HTR2C: variants seen among roughly 807,000 people sequenced by gnomAD.
HTR2C encodes 5-hydroxytryptamine receptor 2C.
HTR2C carries 5 observed loss-of-function variants against 21.0 expected under a neutral mutation model. The ratio of observed to expected loss-of-function variants is 0.24; its 90% CI spans 0.12 to 0.50. The LOEUF is 0.50. Ranked by LOEUF, HTR2C falls within the 20% of genes least tolerant of loss-of-function variation. The probability of loss-of-function intolerance (pLI) is 0.98; values close to 1 mark genes in which losing one functional copy is unlikely to be tolerated. For missense variants in HTR2C, 271 were observed against 371.2 expected (o/e 0.73, Z 2.22); for synonymous variants, 150 against 145.3 (o/e 1.03, Z -0.23).
At chrX:114,767,752 A>G (rs1377386111) in intron 4 of HTR2C, among the ~76,000 whole-genome samples, 1 of 108,471 alleles carries the variant, frequency 9.2e-6, no homozygotes, top group Non-Finnish European at 1.9e-5. Flanking sequence ...AAATAAATAA[A>G]TGAAATATAT....
At chrX:114,598,887 T>C (rs1556393476) in intron 1 of HTR2C, among the ~76,000 whole-genome samples, 2 of 111,412 alleles carry the variant, frequency 1.8e-5, no homozygotes, top group Non-Finnish European at 3.8e-5. Context: ...TTATTAAAGA[T>C]GAACAAATTA....
rs199958275 is a variant in HTR2C, at chrX:114,726,970, C to T, written c.34C>T (p.Leu12Phe). 2 of 1,079,451 alleles carry T rather than the reference C, an allele frequency of 1.9e-6. No individual in the cohort carries two copies. The highest frequency in any genetic ancestry group is 4.5e-5 in the South Asian group (2 of 44,748). 89.0% of individuals were successfully genotyped at this position (1,079,451 alleles called of 1,213,427 possible). ...CCTGAGGAATGCGGTGCATTCATTC[C>T]TGTAAGGATGTTACTACTTATTATT... ...VNLRNAVHSF[L>F]VHLIGLLVWQ... The change falls in exon 3 of 6, where the codon CTT becomes TTT. Residue 12 changes from leucine to phenylalanine, a missense_variant and splice_region_variant. Leu to Phe is a conservative substitution (Grantham distance 22). Around this residue, in one of 5 missense-constraint regions of HTR2C, gnomAD observed 57 missense variants for 64.0 expected, o/e 0.89. Transcript: ENST00000276198.
rs182778260 is a variant in HTR2C, at chrX:114,843,834, C to T, written c.350-4169C>T. On this transcript the variant is annotated intron_variant, in intron 4 of 5. Coordinates refer to ENST00000276198, the MANE Select transcript of HTR2C (RefSeq NM_000868.4). ...GCAGTGAGATGACATATTTAAAGTGCTGAAAGAAAAATTGTCAACTAAATG... is the reference window on the plus strand; with the variant it reads ...GCAGTGAGATGACATATTTAAAGTGTTGAAAGAAAAATTGTCAACTAAATG... 2.3e-3 allele frequency among the ~76,000 whole-genome samples: 253 copies of T among 111,351 alleles called. 1 individual carries two copies. The highest frequency in any genetic ancestry group is 4.6e-3 in the Admixed American group (48 of 10,457).
intron 2 of HTR2C, among the ~76,000 whole-genome samples, chrX:114,679,213 A>C (rs1931666915): frequency 9.0e-6 from 1 of 111,312 alleles, no homozygotes; most frequent in Admixed American, 9.6e-5. Context: ...TTTTCTACAC[A>C]CAGTGCTGGC....
intron 2 of HTR2C, among the ~76,000 whole-genome samples, chrX:114,694,509 A>G (rs1932216342): frequency 2.0e-5 from 1 of 50,041 alleles, no homozygotes; most frequent in South Asian, 1.2e-3. Context: ...ACAGATTTAG[A>G]CAGAGTCTCA....
intron 2 of HTR2C, among the ~76,000 whole-genome samples, chrX:114,723,897 C>T (rs1201524586): frequency 1.0e-5 from 1 of 98,667 alleles, no homozygotes; most frequent in African/African-American, 3.6e-5. Context: ...GTTATAATCT[C>T]TGTTCTTTTA....
rs58916694 is a variant in HTR2C at position 114,689,208 on chromosome X, G to GTATATATATATATATATATATATATA, written c.-79-37627_-79-37626insATATATATATATATATATATATATAT. 5.2e-4 allele frequency among the ~76,000 whole-genome samples: 38 copies of GTATATATATATATATATATATATATA among 72,697 alleles called. 2 individuals carry two copies. The highest frequency in any genetic ancestry group is 1.2e-3 in the African/African-American group (23 of 18,488). The allele number at this position is 72,697 out of a possible 115,157, so 63.1% of individuals were successfully genotyped here. A position where few individuals can be genotyped will look rare whatever the true frequency, so the allele number is the denominator to read the frequency against. ...GAGTAGTATTCCATGGTATGTATGC[G>GTATATATATATATATATATATATATA]TATATATATATATATATATATATCA... is the stretch of plus-strand genomic sequence containing the variant. On this transcript the variant is annotated intron_variant, in intron 2 of 5. Coordinates refer to ENST00000276198, the MANE Select transcript of HTR2C (RefSeq NM_000868.4).
chrX:114,836,430 C>T (rs913572175), intron 4 of HTR2C, among the ~76,000 whole-genome samples: 3 of 112,676 alleles, frequency 2.7e-5, no homozygotes, highest in Middle Eastern at 9.2e-3. Context: ...TTAAGCCGGT[C>T]GGAAAAGCGC....
intron 4 of HTR2C, among the ~76,000 whole-genome samples, chrX:114,739,600 A>G (rs782578861): frequency 3.6e-4 from 40 of 111,648 alleles, no homozygotes; most frequent in Non-Finnish European, 6.4e-4. Flanking sequence ...GATTGATATC[A>G]TTGGCATAAC....
intron 1 of HTR2C, among the ~76,000 whole-genome samples, chrX:114,595,380 G>GGTT (rs76801152): frequency 2.4e-3 from 243 of 102,956 alleles, no homozygotes; most frequent in African/African-American, 7.1e-3. Context: ...ACCGTGCCCA[G>GGTT]GTTGTTGTTG....
At chrX:114,592,422 A>T (rs1168030717) in intron 1 of HTR2C, among the ~76,000 whole-genome samples, 1 of 112,194 alleles carries the variant, frequency 8.9e-6, no homozygotes, top group Non-Finnish European at 1.9e-5. Context: ...CATAGTGGAT[A>T]TTCTGAGTCT....
chrX:114,807,923 G>A (rs1425602938), intron 4 of HTR2C, among the ~76,000 whole-genome samples: 8 of 110,783 alleles, frequency 7.2e-5, no homozygotes, highest in East Asian at 2.8e-4. Context: ...CACCCGCCTC[G>A]GCCTCCCAAA....
chrX:114,592,134 T>C (rs1251121844), intron 1 of HTR2C, among the ~76,000 whole-genome samples: 1 of 111,920 alleles, frequency 8.9e-6, no homozygotes, highest in African/African-American at 3.2e-5. Flanking sequence ...GTTACAAATA[T>C]AGAGTCACAA....
At chrX:114,784,262 C>T (rs1429444688) in intron 4 of HTR2C, among the ~76,000 whole-genome samples, 1 of 109,576 alleles carries the variant, frequency 9.1e-6, no homozygotes, top group Non-Finnish European at 1.9e-5. Context: ...GAAAATGCTA[C>T]ATAAATTAAC....
chrX:114,634,617 C>T (rs782111965), intron 2 of HTR2C, among the ~76,000 whole-genome samples: 1 of 110,848 alleles, frequency 9.0e-6, no homozygotes, highest in East Asian at 2.9e-4. Context: ...TGAGACCAGC[C>T]TGGGCAATAT....
rs782022880 is a variant in HTR2C at position 114,852,694 on chromosome X, A to G, written c.550+4491A>G. On this transcript the variant is annotated intron_variant, in intron 5 of 5. Coordinates refer to ENST00000276198, the MANE Select transcript of HTR2C (RefSeq NM_000868.4). ...TGTGTTGATATACTTTATTTAACCA[A>G]TCTTCTGTGTATAATCAGGTAAGTT... is the stretch of plus-strand genomic sequence containing the variant. Among the ~76,000 whole-genome samples the G allele has an allele frequency of 5.4e-5, 6 of 110,611 alleles. No individual in the cohort carries two copies. The South Asian group carries it at 1.9e-3, about 35-fold the overall frequency.
intron 1 of HTR2C, among the ~76,000 whole-genome samples, chrX:114,594,244 T>C (rs1254620049): frequency 9.0e-6 from 1 of 111,379 alleles, no homozygotes; most frequent in Non-Finnish European, 1.9e-5. Flanking sequence ...ATCTAATATA[T>C]AAAAAAATGA....
chrX:114,770,923 T>C (rs902590228), intron 4 of HTR2C, among the ~76,000 whole-genome samples: 1 of 106,877 alleles, frequency 9.4e-6, no homozygotes, highest in African/African-American at 3.4e-5. Flanking sequence ...TGCCTCAGCC[T>C]ACTGAGCAGC....
At chrX:114,645,257 C>T (rs1477749887) in intron 2 of HTR2C, among the ~76,000 whole-genome samples, 7 of 109,634 alleles carry the variant, frequency 6.4e-5, no homozygotes, top group Non-Finnish European at 1.3e-4. Context: ...CAAGTTGTGA[C>T]AGGAATGTAA....
Sources: allele counts gnomAD v4.1 joint callset (sites outside exome capture counted in the v4.1 genomes callset), GRCh38; gene constraint gnomAD v4.1.1; regional missense constraint gnomAD v4.1.1; transcripts MANE v1.5; gene names NCBI Gene and HGNC (gene_info 2026-07-23, HGNC 2026-07-21).